The following RASSF8 variants were observed in gnomAD, a reference collection of about 807,000 sequenced individuals.
The protein encoded by RASSF8 is ras association domain-containing protein 8.
Under a neutral mutation model 48.5 loss-of-function variants are expected in RASSF8, and 22 were observed. That is an observed-to-expected ratio of 0.45 (90% confidence interval 0.32 to 0.65). RASSF8 has a LOEUF of 0.65. Ranked by LOEUF, RASSF8 falls within the 30% of genes least tolerant of loss-of-function variation. The pLI, the probability that RASSF8 is intolerant of heterozygous loss-of-function variation, is 0.03. For synonymous variants in RASSF8, 127 were observed against 171.5 expected (o/e 0.74, Z 2.03); for missense variants, 418 against 489.2 (o/e 0.85, Z 1.37).
chr12:25,971,831 T>A (rs1034702822), intron 1 of RASSF8, among the ~76,000 whole-genome samples: 1 of 152,214 alleles, frequency 6.6e-6, no homozygotes, highest in Non-Finnish European at 1.5e-5. Flanking sequence ...TTTTCAGAGT[T>A]TGGCTCTGGA....
intron 2 of RASSF8, among the ~76,000 whole-genome samples, chr12:26,031,112 GACA>G (rs1336344800): frequency 2.0e-5 from 3 of 152,104 alleles, no homozygotes. Context: ...TAATGCCTGA[GACA>G]ACAATCAAAT....
In RASSF8 at chr12:26,047,704, G is replaced by T. The variant is rs546936362; in HGVS notation, c.-108-7532G>T. Among the ~76,000 whole-genome samples the T allele has an allele frequency of 5.3e-5, 8 of 152,310 alleles. No homozygotes were observed. In the South Asian group the frequency reaches 1.7e-3, roughly 32 times the overall value. On this transcript the variant is annotated intron_variant, in intron 2 of 5. Transcript: ENST00000689635. ...TAGCTGGTAACTACCGTCTCTAGCA[G>T]CAGAGAGGCCTGGACAAAAGAGCAC...
chr12:26,046,831 T>TA (rs1435423209), intron 2 of RASSF8, among the ~76,000 whole-genome samples: 4 of 147,860 alleles, frequency 2.7e-5, no homozygotes. Context: ...ATATCACAGA[T>TA]ATAGTTATAC....
intron 1 of RASSF8, among the ~76,000 whole-genome samples, chr12:25,977,780 G>A (rs1014375025): frequency 3.3e-5 from 5 of 152,268 alleles, no homozygotes; most frequent in Non-Finnish European, 5.9e-5. Flanking sequence ...TTGTAAGGCA[G>A]CTACAGTAAG....
At chr12:26,037,327 G>A (rs1356475091) in intron 2 of RASSF8, among the ~76,000 whole-genome samples, 1 of 152,124 alleles carries the variant, frequency 6.6e-6, no homozygotes, top group African/African-American at 2.4e-5. Context: ...GTGGATCTTT[G>A]TCACTGCCAA....
At position 26,057,023 on chromosome 12, in the gene RASSF8, G is replaced by GA. The variant is rs57235079; in HGVS notation, c.103+1587dup. ...TTAAGCCATGGACAGTGCTAAAAAA[G>GA]AAAAAAAAAAGTAGTTTTTACAAAA... On this transcript the variant is annotated intron_variant, in intron 3 of 5. Coordinates refer to ENST00000689635, the MANE Select transcript of RASSF8 (RefSeq NM_001394098.1). Among the ~76,000 whole-genome samples, 977 of 141,556 alleles carry GA rather than the reference G, an allele frequency of 6.9e-3. 7 individuals are homozygous for GA. Among genetic ancestry groups the GA allele is most frequent in the African/African-American group, 0.023 (896 of 38,268 alleles). 92.9% of individuals were successfully genotyped at this position (141,556 alleles called of 152,430 possible).
intron 2 of RASSF8, chr12:26,020,389 C>CT (rs1216556572): frequency 6.6e-6 from 1 of 152,162 alleles, no homozygotes; most frequent in Non-Finnish European, 1.5e-5. Context: ...TGTTTTTATG[C>CT]TCCCCCAGTT....
chr12:26,008,748 G>A lies in RASSF8; in HGVS notation c.-109+13618G>A, dbSNP rs115804234. Among the ~76,000 whole-genome samples, 455 of 152,322 alleles carry A rather than the reference G, an allele frequency of 3.0e-3. 3 individuals are homozygous for A. The highest frequency in any genetic ancestry group is 0.011 in the African/African-American group (441 of 41,572). On this transcript the variant is annotated intron_variant, in intron 2 of 5. Coordinates refer to ENST00000689635, the MANE Select transcript of RASSF8 (RefSeq NM_001394098.1). The stretch of plus-strand genomic sequence containing the variant: ...GTGTCTGCTTCTGTTTAGGCATATT[G>A]CAAGCATCTGCATAGAATCTTAATT...
intron 2 of RASSF8, among the ~76,000 whole-genome samples, chr12:26,040,195 A>G (rs1356798784): frequency 6.6e-6 from 1 of 152,234 alleles, no homozygotes; most frequent in African/African-American, 2.4e-5. Context: ...TAAAAAAGAA[A>G]TTAGGAAATT....
intron 2 of RASSF8, among the ~76,000 whole-genome samples, chr12:26,045,888 A>G (rs1455382807): frequency 6.6e-6 from 1 of 152,218 alleles, no homozygotes; most frequent in East Asian, 1.9e-4. Context: ...CTGGAAGGTA[A>G]CGAACTTAAT....
At chr12:26,038,964 A>G (rs910647294) in intron 2 of RASSF8, among the ~76,000 whole-genome samples, 2 of 152,142 alleles carry the variant, frequency 1.3e-5, no homozygotes, top group Non-Finnish European at 2.9e-5. Context: ...GAAAATGTTT[A>G]TATTTCTAAA....
chr12:26,016,699 T>C (rs572595785), intron 2 of RASSF8, among the ~76,000 whole-genome samples: 1 of 152,358 alleles, frequency 6.6e-6, no homozygotes, highest in South Asian at 2.1e-4. Flanking sequence ...TTGTTGGCAG[T>C]TATCCACGTC....
chr12:26,063,777 T>A (rs1004410210), intron 3 of RASSF8, among the ~76,000 whole-genome samples: 4 of 152,112 alleles, frequency 2.6e-5, no homozygotes, highest in African/African-American at 7.2e-5. Flanking sequence ...TACTATCATA[T>A]TACCAAAACT....
At chr12:25,978,585 T>C (rs1369778247) in intron 1 of RASSF8, among the ~76,000 whole-genome samples, 1 of 152,210 alleles carries the variant, frequency 6.6e-6, no homozygotes, top group Non-Finnish European at 1.5e-5. Flanking sequence ...CAGTTTCTTA[T>C]TAGAACTCTT....
intron 1 of RASSF8, among the ~76,000 whole-genome samples, chr12:25,989,692 T>G (rs1941969695): frequency 6.6e-6 from 1 of 152,252 alleles, no homozygotes; most frequent in African/African-American, 2.4e-5. Context: ...TTCTGATTTC[T>G]TGCATAACAT....
chr12:26,045,901 GC>G (rs1443704863), intron 2 of RASSF8, among the ~76,000 whole-genome samples: 1 of 152,174 alleles, frequency 6.6e-6, no homozygotes, highest in African/African-American at 2.4e-5. Context: ...AACTTAATTT[GC>G]CATCTCTTAC....
At chr12:26,038,720 C>T (rs923248505) in intron 2 of RASSF8, among the ~76,000 whole-genome samples, 1 of 151,838 alleles carries the variant, frequency 6.6e-6, no homozygotes, top group African/African-American at 2.4e-5. Context: ...CTCAGTGAAG[C>T]CCTAGCTCCC....
At chr12:25,976,652 A>G (rs1565600952) in intron 1 of RASSF8, among the ~76,000 whole-genome samples, 2 of 152,194 alleles carry the variant, frequency 1.3e-5, no homozygotes, top group Non-Finnish European at 2.9e-5. Flanking sequence ...GTCTGCTCCC[A>G]CACTGTGGAG....
rs1555160455 is a variant in RASSF8 at position 25,986,950 on chromosome 12, G to GT, written c.-202-8083dup. Among the ~76,000 whole-genome samples, 269 of 149,790 alleles carry GT rather than the reference G, an allele frequency of 1.8e-3. 2 individuals carry two copies. The Middle Eastern group carries it at 0.02, about 11-fold the overall frequency. ...TTTTTGTTTGTTTGTTTGTTTGTTTGTTTTGCAACGGAGTTTCGCTCGTCG... is the reference window on the plus strand; with the variant it reads ...TTTTTGTTTGTTTGTTTGTTTGTTTGTTTTTGCAACGGAGTTTCGCTCGTCG... On this transcript the variant is annotated intron_variant, in intron 1 of 5. Transcript: ENST00000689635.
Sources: allele counts gnomAD v4.1 joint callset (sites outside exome capture counted in the v4.1 genomes callset), GRCh38; gene constraint gnomAD v4.1.1; transcripts MANE v1.5; gene names NCBI Gene and HGNC (gene_info 2026-07-23, HGNC 2026-07-21).